The following KLF8 variants were observed in gnomAD, a reference collection of about 807,000 sequenced individuals.
KLF8 encodes the protein KLF transcription factor 8, also known as Krueppel-like factor 8.
A neutral mutation model predicts 18.2 loss-of-function variants in KLF8; 10 were observed. That is an observed-to-expected ratio of 0.55 (90% CI 0.34 to 0.93). The LOEUF (loss-of-function observed/expected upper bound fraction) is 0.93. Among genes scored for constraint, KLF8 ranks in the 40% least tolerant of loss-of-function variants. The pLI is 0.02. For missense variants in KLF8, 264 were observed against 277.9 expected (o/e 0.95, Z 0.36); for synonymous variants, 109 against 97.3 (o/e 1.12, Z -0.71).
the KLF8 span, among the ~76,000 whole-genome samples, chrX:55,935,035 T>A: frequency 8.9e-6 from 1 of 112,049 alleles, no homozygotes; most frequent in Non-Finnish European, 1.9e-5. Flanking sequence ...AGTTTCATAC[T>A]AATACTAACC....
the KLF8 span, among the ~76,000 whole-genome samples, chrX:56,025,907 G>A: frequency 8.9e-6 from 1 of 112,572 alleles, no homozygotes; most frequent in South Asian, 3.7e-4. Flanking sequence ...GTGACCTGAT[G>A]TACACACTGA....
chrX:55,975,774 C>T, the KLF8 span, among the ~76,000 whole-genome samples: 2 of 111,054 alleles, frequency 1.8e-5, no homozygotes, highest in Non-Finnish European at 3.8e-5. Flanking sequence ...AAGGGAATGG[C>T]TGACTTTTTT....
the KLF8 span, among the ~76,000 whole-genome samples, chrX:56,114,949 T>G: frequency 8.9e-6 from 1 of 112,347 alleles, no homozygotes; most frequent in African/African-American, 3.2e-5. Flanking sequence ...TCTCCACACT[T>G]CAGTTTGTCT....
the KLF8 span, among the ~76,000 whole-genome samples, chrX:55,984,034 A>G: frequency 5.5e-5 from 6 of 109,156 alleles, no homozygotes; most frequent in Non-Finnish European, 1.1e-4. Flanking sequence ...GTGTGTATAT[A>G]TATAATGATA....
chrX:55,924,876 G>A, the KLF8 span, among the ~76,000 whole-genome samples: 3 of 17,211 alleles, frequency 1.7e-4, no homozygotes, highest in Admixed American at 8.1e-4. Flanking sequence ...TTTTTTTTGT[G>A]AGGGAGCCTC....
chrX:56,159,885 T>TC, the KLF8 span, among the ~76,000 whole-genome samples: 12 of 111,889 alleles, frequency 1.1e-4, no homozygotes, highest in African/African-American at 3.9e-4. Context: ...TGTCTCTATT[T>TC]CCTTCAGTTC....
At chrX:56,050,478 C>T in the KLF8 span, among the ~76,000 whole-genome samples, 1 of 112,034 alleles carries the variant, frequency 8.9e-6, no homozygotes, top group Non-Finnish European at 1.9e-5. Flanking sequence ...TCTTTGTTCT[C>T]ATTGGTTACA....
intron 2 of KLF8, among the ~76,000 whole-genome samples, chrX:56,264,391 A>G (rs2066933942): frequency 9.1e-6 from 1 of 110,447 alleles, no homozygotes; most frequent in Admixed American, 9.6e-5. Flanking sequence ...GGTTTTTTAA[A>G]CTAATAAATG....
chrX:56,098,279 CT>C, the KLF8 span, among the ~76,000 whole-genome samples: 1 of 111,842 alleles, frequency 8.9e-6, no homozygotes, highest in African/African-American at 3.2e-5. Context: ...GCCAAATAAA[CT>C]TTTAAAAAAT....
At chrX:56,264,585 T>C (rs1290583604) in intron 2 of KLF8, among the ~76,000 whole-genome samples, 2 of 111,166 alleles carry the variant, frequency 1.8e-5, no homozygotes, top group African/African-American at 3.3e-5. Context: ...TATTTCATAG[T>C]TTATTCTATA....
chrX:56,186,936 A>G, the KLF8 span, among the ~76,000 whole-genome samples: 2 of 112,104 alleles, frequency 1.8e-5, no homozygotes, highest in Non-Finnish European at 3.8e-5. Context: ...AAGATCCAAA[A>G]TTGACACCCG....
chrX:56,268,150 GAAT>G (rs2066995314), intron 3 of KLF8: 2 of 110,997 alleles, frequency 1.8e-5, no homozygotes. Context: ...TGTTATAACT[GAAT>G]AATATTATAT....
the KLF8 span, among the ~76,000 whole-genome samples, chrX:56,025,748 AG>A: frequency 8.9e-6 from 1 of 111,805 alleles, no homozygotes; most frequent in Non-Finnish European, 1.9e-5. Flanking sequence ...GGAGGATCAG[AG>A]GGGTCATAAC....
the KLF8 span, among the ~76,000 whole-genome samples, chrX:56,090,981 C>T: frequency 1.8e-5 from 2 of 111,872 alleles, no homozygotes; most frequent in Admixed American, 9.5e-5. Flanking sequence ...AGTAGTATTC[C>T]GTGGTTTACA....
At chrX:56,220,862 C>T in the KLF8 span, among the ~76,000 whole-genome samples, 1 of 112,545 alleles carries the variant, frequency 8.9e-6, no homozygotes, top group African/African-American at 3.2e-5. Context: ...AAAAAAAGTG[C>T]TATTATTCAC....
the KLF8 span, among the ~76,000 whole-genome samples, chrX:56,050,136 C>G: frequency 9.1e-6 from 1 of 109,372 alleles, no homozygotes; most frequent in African/African-American, 3.3e-5. Context: ...TTTTTTATTG[C>G]GTCTATTTGA....
At chrX:56,142,828 G>T in the KLF8 span, among the ~76,000 whole-genome samples, 2 of 111,728 alleles carry the variant, frequency 1.8e-5, no homozygotes, top group African/African-American at 6.5e-5. Context: ...CTATCCAACA[G>T]CATACTGAGG....
At chrX:56,032,507 C>T in the KLF8 span, among the ~76,000 whole-genome samples, 2 of 111,729 alleles carry the variant, frequency 1.8e-5, no homozygotes, top group Non-Finnish European at 3.8e-5. Context: ...TAATTCCCAG[C>T]CTTTATCAAC....
At chrX:56,067,205 T>C in the KLF8 span, among the ~76,000 whole-genome samples, 37 of 104,841 alleles carry the variant, frequency 3.5e-4, no homozygotes, top group South Asian at 0.017. Flanking sequence ...ACTCACGTCT[T>C]CCATTCGTCT....
Sources: gnomAD v4.1 joint callset for allele counts (sites outside exome capture counted in the v4.1 genomes callset) on GRCh38, gnomAD v4.1.1 for gene constraint, MANE v1.5 for transcripts, NCBI Gene and HGNC (gene_info 2026-07-23, HGNC 2026-07-21) for gene names.